The following AKAP9 variants were observed in gnomAD, a reference collection of about 807,000 sequenced individuals.
The protein encoded by AKAP9 is A-kinase anchoring protein 9.
Under a neutral mutation model 488.5 loss-of-function variants are expected in AKAP9, and 311 were observed. That is an observed-to-expected ratio of 0.64 (90% CI 0.58 to 0.70). AKAP9 has a LOEUF of 0.70. Ranked by LOEUF, AKAP9 falls within the 30% of genes least tolerant of loss-of-function variation. AKAP9 has a pLI of 0.00. For synonymous variants in AKAP9, 1,462 were observed against 1,483.5 expected, an observed-to-expected ratio of 0.99 and a Z score of 0.33; for missense variants, 4,215 against 4,374.5, an observed-to-expected ratio of 0.96 and a Z score of 1.03.
Position 92,084,882 on chromosome 7 carries a change from C to T in AKAP9, c.8774C>T (p.Ser2925Leu), listed in dbSNP as rs757740105. The stretch of plus-strand genomic sequence containing the variant: ...CACAGTCAGGGATTTGACATAGCAT[C>T]AGAAGGCCGAGGAGAAGAAAGTGAA... Reference protein sequence around the residue: ...LTHSQGFDIASEGRGEESESA... With the variant: ...LTHSQGFDIALEGRGEESESA... The change falls in exon 35 of 50, where the codon TCA becomes TTA. Residue 2925 changes from serine to leucine, a missense_variant. By Grantham distance (145) the Ser-to-Leu change is moderately radical. Around this residue, in one of 5 missense-constraint regions of AKAP9, gnomAD observed 1,476 missense variants for 1,477.4 expected, o/e 1.00. Transcript: ENST00000356239. The T allele has an allele frequency of 6.2e-6, 10 of 1,613,128 alleles. No homozygotes were observed. In the Middle Eastern group the frequency reaches 9.9e-4, roughly 160 times the overall value.
intron 7 of AKAP9, among the ~76,000 whole-genome samples, chr7:91,998,582 G>A (rs950561583): frequency 3.3e-5 from 5 of 151,730 alleles, no homozygotes; most frequent in African/African-American, 1.2e-4. Flanking sequence ...TATATCAGGT[G>A]TTGGACAATT....
At position 92,107,234 on chromosome 7, in the gene AKAP9, A is replaced by G. The variant is rs552482712; in HGVS notation, c.11417-59A>G. 5.3e-5 allele frequency: 84 copies of G among 1,579,650 alleles called. 1 individual carries two copies. Among genetic ancestry groups the G allele is most frequent in the Admixed American group, 4.9e-4 (29 of 59,472 alleles). On this transcript the variant is annotated intron_variant, in intron 47 of 49. Coordinates refer to ENST00000356239, the MANE Select transcript of AKAP9 (RefSeq NM_005751.5). ...TTGAGCAGTTACCTATTTTGTAGAA[A>G]TTTTTTAAGGTCTTGGGATTTTATT... is the stretch of plus-strand genomic sequence containing the variant.
chr7:92,023,011 T>G lies in AKAP9; in HGVS notation c.4148+2T>G. 1 of 1,612,492 alleles carries G rather than the reference T, an allele frequency of 6.2e-7. No individual in the cohort carries two copies. Among genetic ancestry groups the G allele is most frequent in the Non-Finnish European group, 8.5e-7 (1 of 1,178,500 alleles). Reference sequence around the variant, plus strand: ...TAGTGAGTCCACGGTTCCGCCAAGGTATTCATCTGCTTATAGCTTCATTCA... The same window carrying G: ...TAGTGAGTCCACGGTTCCGCCAAGGGATTCATCTGCTTATAGCTTCATTCA... On this transcript the variant is annotated splice_donor_variant, in intron 14 of 49. Coordinates refer to ENST00000356239, the MANE Select transcript of AKAP9 (RefSeq NM_005751.5). LOFTEE classifies it high-confidence loss of function.
Position 92,079,390 on chromosome 7 carries a change from C to A in AKAP9, c.7257C>A (p.Thr2419=). The A allele has an allele frequency of 5.0e-6, 8 of 1,613,878 alleles. No homozygotes were observed. Among genetic ancestry groups the A allele is most frequent in the Non-Finnish European group, 6.8e-6 (8 of 1,179,960 alleles). The change falls in exon 31 of 50, where the codon ACC becomes ACA. Residue 2419 remains threonine, a synonymous_variant. Transcript: ENST00000356239. ...TCATGAAAAATGTACTTAAAGAAACCAATTTTAAAATGAATCAGCTAACAC... is the reference window on the plus strand; with the variant it reads ...TCATGAAAAATGTACTTAAAGAAACAAATTTTAAAATGAATCAGCTAACAC... ...MTFMKNVLKE[T]NFKMNQLTQE...
chr7:92,103,972 G>A (rs1039670251), intron 46 of AKAP9, among the ~76,000 whole-genome samples: 1 of 151,968 alleles, frequency 6.6e-6, no homozygotes, highest in Non-Finnish European at 1.5e-5. Flanking sequence ...AAAGAACTCT[G>A]GTATTCATTC....
intron 3 of AKAP9, among the ~76,000 whole-genome samples, chr7:91,988,162 C>A (rs566529100): frequency 6.6e-6 from 1 of 151,778 alleles, no homozygotes; most frequent in East Asian, 1.9e-4. Context: ...GTTTTTTTGA[C>A]CAACATTAAC....
chr7:92,083,356 G>GA lies in AKAP9; in HGVS notation c.8348dup (p.Asp2783GlufsTer8), dbSNP rs1472026978. On this transcript the variant is annotated frameshift_variant, in exon 33 of 50. Coordinates refer to ENST00000356239, the MANE Select transcript of AKAP9 (RefSeq NM_005751.5). LOFTEE classifies it high-confidence loss of function. Reference sequence around the variant, plus strand: ...GAGTAAGAGCATTGCATCCCAGACAGATGGGACTCTGAAGATCAGTAGCAG... The same window carrying GA: ...GAGTAAGAGCATTGCATCCCAGACAGAATGGGACTCTGAAGATCAGTAGCAG... The GA allele has an allele frequency of 6.2e-7, 1 of 1,614,050 alleles. No individual in the cohort carries two copies. Among genetic ancestry groups the GA allele is most frequent in the Non-Finnish European group, 8.5e-7 (1 of 1,179,988 alleles).
intron 1 of AKAP9, among the ~76,000 whole-genome samples, chr7:91,942,787 T>A (rs1458293783): frequency 5.9e-5 from 9 of 152,188 alleles, no homozygotes; most frequent in Non-Finnish European, 1.2e-4. Flanking sequence ...CTTTCAGAAT[T>A]CTATGTATGG....
Position 92,109,555 on chromosome 7 carries a change from A to G in AKAP9, c.11687-567A>G, listed in dbSNP as rs182065891. On this transcript the variant is annotated intron_variant, in intron 49 of 49. Transcript: ENST00000356239. ...ACATCCAACTTTGAGAGCACTTTAA[A>G]AAAACTCTAAATATTAGTCTCACCT... 2.1e-3 allele frequency among the ~76,000 whole-genome samples: 318 copies of G among 152,348 alleles called. 1 individual carries two copies. Among genetic ancestry groups the G allele is most frequent in the Admixed American group, 4.4e-3 (68 of 15,304 alleles).
intron 1 of AKAP9, among the ~76,000 whole-genome samples, chr7:91,973,357 A>G (rs778804860): frequency 2.0e-4 from 31 of 152,216 alleles, no homozygotes; most frequent in Non-Finnish European, 3.7e-4. Context: ...CCTGGATGAC[A>G]GAGTAAGACC....
intron 24 of AKAP9, among the ~76,000 whole-genome samples, chr7:92,064,003 A>G (rs1430349291): frequency 6.6e-6 from 1 of 152,168 alleles, no homozygotes; most frequent in African/African-American, 2.4e-5. Flanking sequence ...GCTGGTCTCA[A>G]TCTCCTGGCC....
At position 92,084,581 on chromosome 7, in the gene AKAP9, A is replaced by G. The variant is rs537361631; in HGVS notation, c.8647-59A>G. The G allele has an allele frequency of 6.7e-5, 84 of 1,254,462 alleles. No homozygotes were observed. In the African/African-American group the frequency reaches 1.2e-3, roughly 18 times the overall value. The allele number at this position is 1,254,462 out of a possible 1,614,324, so 77.7% of individuals were successfully genotyped here. A position where few individuals can be genotyped will look rare whatever the true frequency, so the allele number is the denominator to read the frequency against. On this transcript the variant is annotated intron_variant, in intron 33 of 49. Transcript: ENST00000356239. ...GCACGGGAAACCAGCAAAATAATTC[A>G]TTGTATTCTATTTTTATTAAAGCAA...
At chr7:92,015,629 G>T (rs1801409861) in intron 10 of AKAP9, among the ~76,000 whole-genome samples, 1 of 152,060 alleles carries the variant, frequency 6.6e-6, no homozygotes, top group Non-Finnish European at 1.5e-5. Flanking sequence ...CTCCCAAAGT[G>T]CTGGGATTAC....
rs893699782 is a variant in AKAP9, at chr7:92,029,750, A to G, written c.4149-145A>G. 1.4e-4 allele frequency: 88 copies of G among 647,336 alleles called. No homozygotes were observed. In the African/African-American group the frequency reaches 1.4e-3, roughly 10 times the overall value. The allele number at this position is 647,336 out of a possible 1,614,324, so 40.1% of individuals were successfully genotyped here. A position where few individuals can be genotyped will look rare whatever the true frequency, so the allele number is the denominator to read the frequency against. ...TTAAGTGGAAATATTAGTCAAAAAT[A>G]TGATTTAACTTGCAATACCTATAAC... On this transcript the variant is annotated intron_variant, in intron 14 of 49. Transcript: ENST00000356239.
chr7:91,980,289 C>T lies in AKAP9; in HGVS notation c.307C>T (p.Leu103=). Residue 103 remains leucine, a splice_region_variant and synonymous_variant, in exon 3 of 50, where the codon CTG becomes TTG. Transcript: ENST00000356239. ...TSHEQGFSVE[L]ESEISTTADD... The stretch of plus-strand genomic sequence containing the variant: ...TATTTGGTTTTTATTTTTGTTTTAG[C>T]TGGAAAGTGAAATTTCAACCACAGC... 1 of 1,580,736 alleles carries T rather than the reference C, an allele frequency of 6.3e-7. No homozygotes were observed. The highest frequency in any genetic ancestry group is 8.7e-7 in the Non-Finnish European group (1 of 1,155,866).
Position 92,002,458 on chromosome 7 carries a change from G to T in AKAP9, c.2541G>T (p.Arg847Ser). 6.2e-7 allele frequency: 1 copy of T among 1,610,360 alleles called. No homozygotes were observed. The highest frequency in any genetic ancestry group is 1.1e-5 in the South Asian group (1 of 89,700). The change falls in exon 8 of 50, where the codon AGG (arginine) becomes AGT (serine). Residue 847 changes from arginine to serine, a missense_variant. Around this residue, in one of 5 missense-constraint regions of AKAP9, gnomAD observed 2,361 missense variants for 2,430.0 expected, o/e 0.97. Transcript: ENST00000356239. ...TAAATGAAGAGATTGAAAAGCAAAGGAACACTTTTTCATTTGCTGAAAAAA... is the reference window on the plus strand; with the variant it reads ...TAAATGAAGAGATTGAAAAGCAAAGTAACACTTTTTCATTTGCTGAAAAAA... ...IQLNEEIEKQ[R>S]NTFSFAEKNF...
intron 14 of AKAP9, among the ~76,000 whole-genome samples, chr7:92,028,619 AAG>A (rs1404737804): frequency 6.6e-6 from 1 of 152,224 alleles, no homozygotes; most frequent in Non-Finnish European, 1.5e-5. Flanking sequence ...TAACATTTGA[AAG>A]AAAATGTCTT....
chr7:92,003,763 C>T (rs970465012), intron 8 of AKAP9, among the ~76,000 whole-genome samples: 1 of 151,214 alleles, frequency 6.6e-6, no homozygotes, highest in South Asian at 2.1e-4. Context: ...CTTTATTATA[C>T]CTGAAGGGGA....
chr7:92,008,111 T>C (rs1366986786), intron 8 of AKAP9, among the ~76,000 whole-genome samples: 1 of 152,208 alleles, frequency 6.6e-6, no homozygotes, highest in Non-Finnish European at 1.5e-5. Flanking sequence ...GGCTCACACC[T>C]GTAATCCCAG....
Sources: gnomAD v4.1 joint callset for allele counts (sites outside exome capture counted in the v4.1 genomes callset) on GRCh38, gnomAD v4.1.1 for gene constraint, gnomAD v4.1.1 regional missense constraint, MANE v1.5 for transcripts, NCBI Gene and HGNC (gene_info 2026-07-23, HGNC 2026-07-21) for gene names.